The following CLBA1 variants were observed in gnomAD, a reference collection of about 807,000 sequenced individuals.
The protein encoded by CLBA1 is clathrin binding box of aftiphilin containing 1.
CLBA1 carries 30 observed loss-of-function variants against 28.8 expected under a neutral mutation model. That is an observed-to-expected ratio of 1.04 (90% CI 0.78 to 1.41). The LOEUF is 1.41. Ranked by LOEUF, CLBA1 falls within the 40% of genes most tolerant of loss-of-function variation. CLBA1 has a pLI of 0.00. For missense variants in CLBA1, 451 were observed against 412.3 expected, an observed-to-expected ratio of 1.09 and a Z score of -0.81; for synonymous variants, 160 against 152.8, an observed-to-expected ratio of 1.05 and a Z score of -0.35.
At chr14:104,990,655 C>T (rs928588773) in intron 2 of CLBA1, 1 of 152,328 alleles carries the variant, frequency 6.6e-6, no homozygotes, top group African/African-American at 2.4e-5. Context: ...CAGACCTTCT[C>T]AGTCCCTCAC....
chr14:104,988,400 TCGGCTCA>T (rs1899928355), intron 1 of CLBA1, among the ~76,000 whole-genome samples: 1 of 148,444 alleles, frequency 6.7e-6, no homozygotes, highest in Non-Finnish European at 1.5e-5. Flanking sequence ...TGGCACAATC[TCGGCTCA>T]CTGCAACTTC....
At chr14:104,991,293 G>C in intron 2 of CLBA1, 198 bp from the exon 3 acceptor site, 1 of 481,054 alleles carries the variant, frequency 2.1e-6, no homozygotes. Context: ...CAAAGTGCTG[G>C]GATTACAGGC....
chr14:104,986,124 T>G lies in CLBA1; in HGVS notation c.-308T>G. ...CTCTCTCCAGAGCAGGAGCCCCACC[T>G]TGGGCCGCCCCTCTCACACCTGCCG... is the stretch of plus-strand genomic sequence containing the variant. On this transcript the variant is annotated 5_prime_UTR_variant, in exon 1 of 5. Coordinates refer to ENST00000547315, the MANE Select transcript of CLBA1 (RefSeq NM_174891.4). The G allele has an allele frequency of 2.3e-6, 1 of 436,738 alleles. No individual in the cohort carries two copies. Among genetic ancestry groups the G allele is most frequent in the Non-Finnish European group, 4.3e-6 (1 of 234,526 alleles). 27.1% of individuals were successfully genotyped at this position (436,738 alleles called of 1,614,324 possible).
At chr14:104,999,104 T>C (rs1369817807), downstream of CLBA1, 3 of 569,178 alleles carry the variant, frequency 5.3e-6, no homozygotes, top group Admixed American at 6.3e-5. Flanking sequence ...CAGGCTTGCA[T>C]TGAGGCTGAC....
Position 104,985,884 on chromosome 14 carries a change from T to TGCGGGGCCCGGGCCCGGGCCCAGGACAC in CLBA1, c.-542_-541insCCCGGGCCCGGGCCCAGGACACGCGGGG, listed in dbSNP as rs71129266. On this transcript the variant is annotated 5_prime_UTR_variant, in exon 1 of 5. Transcript: ENST00000547315. Reference sequence around the variant, plus strand: ...CCGCCGAGGCGGCGACCAAGGTGGGTGCGGGGACTCTCGGGAGCCGTGGGC... The same window carrying TGCGGGGCCCGGGCCCGGGCCCAGGACAC: ...CCGCCGAGGCGGCGACCAAGGTGGGTGCGGGGCCCGGGCCCGGGCCCAGGACACGCGGGGACTCTCGGGAGCCGTGGGC... 57,189 of 222,650 alleles carry TGCGGGGCCCGGGCCCGGGCCCAGGACAC rather than the reference T, an allele frequency of 0.26. 11,062 individuals carry two copies. Among genetic ancestry groups the TGCGGGGCCCGGGCCCGGGCCCAGGACAC allele is most frequent in the African/African-American group, 0.59 (24,591 of 41,402 alleles). The allele number at this position is 222,650 out of a possible 1,614,324, so 13.8% of individuals were successfully genotyped here.
chr14:104,987,606 CTTTTTTTTTTTTTTT>C (rs869117577), intron 1 of CLBA1, among the ~76,000 whole-genome samples: 5 of 60,008 alleles, frequency 8.3e-5, no homozygotes, highest in African/African-American at 2.0e-4. Flanking sequence ...TCTTCCTTTT[CTTTTTTTTTTTTTTT>C]TTTTTTTTTT....
rs184888271 is a variant in CLBA1, at chr14:104,987,154, G to C, written c.423+300G>C. Among the ~76,000 whole-genome samples the C allele has an allele frequency of 2.6e-4, 40 of 152,378 alleles. No homozygotes were observed. The East Asian group carries it at 6.8e-3, about 26-fold the overall frequency. On this transcript the variant is annotated intron_variant, in intron 1 of 4. Transcript: ENST00000547315. ...CCCAGCCTGTCCATTCCCCATTGGT[G>C]GGGGCTGCACTGGCCCCAGCTCAGG...
chr14:104,991,351 C>A, intron 2 of CLBA1, 140 bp from the exon 3 acceptor site: 1 of 951,806 alleles, frequency 1.1e-6, no homozygotes. Context: ...GAGTTCTTAA[C>A]AGCCATACGC....
chr14:104,988,059 G>A (rs961855263), intron 1 of CLBA1, among the ~76,000 whole-genome samples: 2 of 150,188 alleles, frequency 1.3e-5, no homozygotes, highest in African/African-American at 2.4e-5. Flanking sequence ...ATGTATTAGG[G>A]AACAATTAGA....
rs572401364 is a variant in CLBA1 at position 104,995,365 on chromosome 14, C to T, written c.*606C>T. 3.4e-4 allele frequency: 337 copies of T among 985,452 alleles called. 5 individuals are homozygous for T. The South Asian group carries it at 0.013, about 37-fold the overall frequency. The allele number at this position is 985,452 out of a possible 1,614,324, so 61.0% of individuals were successfully genotyped here. Reference sequence around the variant, plus strand: ...GGCCTTTGTCCCTCACGGTTGTGGACAGGAGGTCGCACCACTGGCCTGCGA... The same window carrying T: ...GGCCTTTGTCCCTCACGGTTGTGGATAGGAGGTCGCACCACTGGCCTGCGA... On this transcript the variant is annotated 3_prime_UTR_variant, in exon 5 of 5. Coordinates refer to ENST00000547315, the MANE Select transcript of CLBA1 (RefSeq NM_174891.4).
intron 2 of CLBA1, among the ~76,000 whole-genome samples, chr14:105,001,254 G>C (rs1900261997): frequency 6.6e-6 from 1 of 152,170 alleles, no homozygotes; most frequent in South Asian, 2.1e-4. Flanking sequence ...CCAGCACTTT[G>C]GGAGGCCAAG....
chr14:104,999,304 C>A, downstream of CLBA1: 1 of 913,064 alleles, frequency 1.1e-6, no homozygotes. Context: ...GAGCTCTCTC[C>A]AAGCAGATAA....
downstream of CLBA1, among the ~76,000 whole-genome samples, chr14:104,996,262 C>G (rs1900153552): frequency 1.3e-5 from 2 of 152,208 alleles, no homozygotes; most frequent in African/African-American, 4.8e-5. Context: ...CTGCTCTCGT[C>G]CCCAGAGGGG....
intron 2 of CLBA1, among the ~76,000 whole-genome samples, chr14:105,001,180 T>G (rs1275396836): frequency 1.3e-5 from 2 of 151,902 alleles, no homozygotes; most frequent in African/African-American, 4.8e-5. Flanking sequence ...CCCCACGTGA[T>G]CTCACTCATA....
Position 104,994,887 on chromosome 14 carries a change from A to G in CLBA1, c.*128A>G. On this transcript the variant is annotated 3_prime_UTR_variant, in exon 5 of 5. Coordinates refer to ENST00000547315, the MANE Select transcript of CLBA1 (RefSeq NM_174891.4). ...GGCCCATTCCTGGGATCTCTCCAAC[A>G]GGACCTGTCCTGTGTTCTGGGCTTG... The G allele has an allele frequency of 6.9e-7, 1 of 1,450,622 alleles. No individual in the cohort carries two copies. Among genetic ancestry groups the G allele is most frequent in the Non-Finnish European group, 9.0e-7 (1 of 1,106,890 alleles). 89.9% of individuals were successfully genotyped at this position (1,450,622 alleles called of 1,614,324 possible).
In CLBA1 at chr14:104,986,543, T is replaced by C; in HGVS notation, c.112T>C (p.Trp38Arg). 1 of 1,613,950 alleles carries C rather than the reference T, an allele frequency of 6.2e-7. No individual in the cohort carries two copies. Among genetic ancestry groups the C allele is most frequent in the Non-Finnish European group, 8.5e-7 (1 of 1,180,012 alleles). ...GAGGCTGAGTGATGACAGTTTGGAA[T>C]GGAGACGGACCTGCCCCGACCTTCT... is the stretch of plus-strand genomic sequence containing the variant. ...PERLSDDSLE[W>R]RRTCPDLLLS... The change falls in exon 1 of 5, where the codon TGG becomes CGG. Residue 38 changes from tryptophan to arginine, a missense_variant. Transcript: ENST00000547315.
At chr14:104,987,070 T>G (rs1217772195) in intron 1 of CLBA1, among the ~76,000 whole-genome samples, 1 of 152,186 alleles carries the variant, frequency 6.6e-6, no homozygotes, top group Non-Finnish European at 1.5e-5. Flanking sequence ...CAGAAATGGG[T>G]CACACGAAGG....
Position 104,991,911 on chromosome 14 carries a change from A to G in CLBA1, c.699+291A>G, listed in dbSNP as rs139852428. On this transcript the variant is annotated intron_variant, in intron 3 of 4. Transcript: ENST00000547315. ...GATGTGCAACAGTGTGTGTGCACTC[A>G]TGCCACTGCCGCCGCCACGCACATG... 8.8e-3 allele frequency among the ~76,000 whole-genome samples: 1,333 copies of G among 152,262 alleles called. 9 individuals are homozygous for G. Among genetic ancestry groups the G allele is most frequent in the Non-Finnish European group, 0.014 (922 of 68,014 alleles).
intron 1 of CLBA1, 40 bp from the exon 2 acceptor site, chr14:104,988,903 T>G: frequency 2.6e-6 from 4 of 1,552,058 alleles, no homozygotes; most frequent in Non-Finnish European, 3.5e-6. Context: ...ATGTATGTCT[T>G]TCTCCTAACT....
Sources: allele counts gnomAD v4.1 joint callset (sites outside exome capture counted in the v4.1 genomes callset), GRCh38; gene constraint gnomAD v4.1.1; transcripts MANE v1.5; gene names NCBI Gene and HGNC (gene_info 2026-07-23, HGNC 2026-07-21).